PARP9: variants seen among roughly 807,000 people sequenced by gnomAD.
PARP9 encodes the protein protein mono-ADP-ribosyltransferase PARP9.
PARP9 carries 48 observed loss-of-function variants against 68.8 expected under a neutral mutation model. That is an observed-to-expected ratio of 0.70 (90% confidence interval 0.55 to 0.89). The LOEUF (loss-of-function observed/expected upper bound fraction) is 0.89, where lower values mean the gene tolerates loss of function less well. Among genes scored for constraint, PARP9 ranks in the 40% least tolerant of loss-of-function variants. The pLI is 0.00. For missense variants in PARP9, 806 were observed against 969.3 expected (o/e 0.83, Z 2.24); for synonymous variants, 309 against 333.8 (o/e 0.93, Z 0.81).
In PARP9 at chr3:122,556,139, AT is replaced by A; in HGVS notation, c.50-19del. 1 of 614,808 alleles carries A rather than the reference AT, an allele frequency of 1.6e-6. No homozygotes were observed. The highest frequency in any genetic ancestry group is 2.3e-5 in the African/African-American group (1 of 42,814). 38.1% of individuals were successfully genotyped at this position (614,808 alleles called of 1,614,324 possible). A position where few individuals can be genotyped will look rare whatever the true frequency, so the allele number is the denominator to read the frequency against. On this transcript the variant is annotated intron_variant, in intron 3 of 10. Transcript: ENST00000682323. ...ACCAGTCTCTGGAAAAGAAGAGAAG[AT>A]TAAAAAAAAAAAAAAAAAAAAAAAA...
At chr3:122,550,550 T>C (rs758275730) in intron 6 of PARP9, 34 bp downstream of exon 6, 4 of 1,496,388 alleles carry the variant, frequency 2.7e-6, no homozygotes, top group Non-Finnish European at 3.7e-6. Flanking sequence ...AATGAATGAA[T>C]GAACAGTAGG....
In PARP9 at chr3:122,555,628, G is replaced by A. The variant is rs1359253097; in HGVS notation, c.543C>T (p.Ala181=). The A allele has an allele frequency of 6.2e-7, 1 of 1,613,874 alleles. No homozygotes were observed. Among genetic ancestry groups the A allele is most frequent in the Non-Finnish European group, 8.5e-7 (1 of 1,179,996 alleles). Reference sequence around the variant, plus strand: ...TGACATAATTCAGAATACTTACAATGGCCCTCTGCAGCTTTCCAGTACATC... The same window carrying A: ...TGACATAATTCAGAATACTTACAATAGCCCTCTGCAGCTTTCCAGTACATC... ...KQGCTGKLQR[A]IVSILNYVIY... is the part of the protein sequence containing the mutation. Residue 181 remains alanine (A), a synonymous_variant, in exon 4 of 11, where the codon GCC becomes GCT. Transcript: ENST00000682323.
intron 10 of PARP9, among the ~76,000 whole-genome samples, chr3:122,529,258 A>G (rs2077132739): frequency 6.9e-6 from 1 of 144,748 alleles, no homozygotes; most frequent in Non-Finnish European, 1.5e-5. Flanking sequence ...AAAAAAAAAA[A>G]GAACCATTAG....
chr3:122,528,316 T>C lies in PARP9; in HGVS notation c.*48A>G, dbSNP rs746616473. 4.2e-5 allele frequency: 66 copies of C among 1,570,894 alleles called. No individual in the cohort carries two copies. The highest frequency in any genetic ancestry group is 5.6e-5 in the Non-Finnish European group (65 of 1,158,220). ...GAGCCATCGATGGTCATTATTTGGT[T>C]AGTTCACCCAAGGTAAGGCCATACC... On this transcript the variant is annotated 3_prime_UTR_variant, in exon 11 of 11. Transcript: ENST00000682323.
chr3:122,534,466 C>G (rs937832543), intron 10 of PARP9: 4 of 982,064 alleles, frequency 4.1e-6, no homozygotes, highest in East Asian at 1.1e-4. Context: ...GAGCCAGTGG[C>G]TGTTGTGTGT....
intron 10 of PARP9, among the ~76,000 whole-genome samples, chr3:122,528,989 T>C (rs1458310045): frequency 6.6e-6 from 1 of 152,100 alleles, no homozygotes; most frequent in Non-Finnish European, 1.5e-5. Context: ...GGCTCACACC[T>C]GTAATCCCTG....
chr3:122,549,298 G>A (rs571546728), intron 6 of PARP9, among the ~76,000 whole-genome samples: 1 of 152,302 alleles, frequency 6.6e-6, no homozygotes, highest in South Asian at 2.1e-4. Flanking sequence ...TTACAGGCGT[G>A]AGCCACCTCA....
chr3:122,540,976 C>T (rs965795519), intron 7 of PARP9, 124 bp from the exon 8 acceptor site: 61 of 1,126,786 alleles, frequency 5.4e-5, no homozygotes, highest in Non-Finnish European at 7.3e-5. Context: ...CTGCAAGCTC[C>T]GCCTCCCGGG....
chr3:122,558,037 G>A (rs551665945), intron 3 of PARP9, among the ~76,000 whole-genome samples: 1 of 152,302 alleles, frequency 6.6e-6, no homozygotes, highest in South Asian at 2.1e-4. Context: ...AAACGAAGCC[G>A]GAATTGGGTA....
rs199649529 is a variant in PARP9 at position 122,558,199 on chromosome 3, TAA to T, written c.49+233_49+234del. On this transcript the variant is annotated intron_variant, in intron 3 of 10. Transcript: ENST00000682323. ...GGTCAATTCAGCCATAGGCTGTCGT[TAA>T]AAGAGTCTCACATTTACGGGCAAAG... 491 of 1,198,986 alleles carry T rather than the reference TAA, an allele frequency of 4.1e-4. 2 individuals carry two copies. In the East Asian group the frequency reaches 7.7e-3, roughly 19 times the overall value. The allele number at this position is 1,198,986 out of a possible 1,614,324, so 74.3% of individuals were successfully genotyped here. A position where few individuals can be genotyped will look rare whatever the true frequency, so the allele number is the denominator to read the frequency against.
intron 6 of PARP9, 46 bp from the exon 7 acceptor site, chr3:122,545,535 G>C (rs1373266728): frequency 5.1e-6 from 8 of 1,583,112 alleles, no homozygotes; most frequent in Non-Finnish European, 6.9e-6. Flanking sequence ...AGGGCTGATA[G>C]CCATTGTCAT....
intron 1 of PARP9, among the ~76,000 whole-genome samples, chr3:122,562,207 T>TC (rs1559890036): frequency 2.0e-5 from 3 of 148,930 alleles, no homozygotes; most frequent in African/African-American, 7.4e-5. Flanking sequence ...TCTTTTCTTT[T>TC]TGAGACGGAG....
At chr3:122,556,828 T>C (rs1394736536) in intron 3 of PARP9, among the ~76,000 whole-genome samples, 1 of 152,078 alleles carries the variant, frequency 6.6e-6, no homozygotes, top group Non-Finnish European at 1.5e-5. Context: ...CAACTTCTTT[T>C]TCTTTTGAGA....
Position 122,564,287 on chromosome 3 carries a change from G to C in PARP9, c.-132C>G, listed in dbSNP as rs528389408. ...TCGGTGCAGACAGCACAGGGAGGAG[G>C]GGGAAGCGGCTCTGCCGGGAACAGG... On this transcript the variant is annotated 5_prime_UTR_variant, in exon 1 of 11. Transcript: ENST00000682323. The C allele has an allele frequency of 2.5e-5, 26 of 1,054,740 alleles. No individual in the cohort carries two copies. The highest frequency in any genetic ancestry group is 3.1e-5 in the Non-Finnish European group (23 of 752,806). The allele number at this position is 1,054,740 out of a possible 1,614,324, so 65.3% of individuals were successfully genotyped here. A position where few individuals can be genotyped will look rare whatever the true frequency, so the allele number is the denominator to read the frequency against.
chr3:122,548,011 C>A (rs2078901830), intron 6 of PARP9, among the ~76,000 whole-genome samples: 1 of 152,182 alleles, frequency 6.6e-6, no homozygotes, highest in Non-Finnish European at 1.5e-5. Flanking sequence ...GGGTCATGCA[C>A]CACCATCTCA....
Position 122,556,015 on chromosome 3 carries a change from A to C in PARP9, c.156T>G (p.Asn52Lys). ...NERQLCEVLQ[N>K]KFGCISTLVS... is the part of the protein sequence containing the mutation. ...CCAGGGTAGAGATACAGCCAAACTT[A>C]TTCTGGAGGACTTCACACAGCTGAC... Residue 52 changes from asparagine (N) to lysine (K), a missense_variant, in exon 4 of 11, where the codon AAT becomes AAG. Physicochemically the swap from Asn to Lys is moderately conservative, Grantham distance 94. Transcript: ENST00000682323. 6.2e-7 allele frequency: 1 copy of C among 1,613,964 alleles called. No individual in the cohort carries two copies. Among genetic ancestry groups the C allele is most frequent in the Non-Finnish European group, 8.5e-7 (1 of 1,179,980 alleles).
At position 122,540,891 on chromosome 3, in the gene PARP9, G is replaced by GTTTTTTTTTTTTTTTTTTTTTTTTT. The variant is rs145948621; in HGVS notation, c.1385-40_1385-39insAAAAAAAAAAAAAAAAAAAAAAAAA. 3 of 1,185,868 alleles carry GTTTTTTTTTTTTTTTTTTTTTTTTT rather than the reference G, an allele frequency of 2.5e-6. 1 individual carries two copies. The allele number at this position is 1,185,868 out of a possible 1,614,324, so 73.5% of individuals were successfully genotyped here. On this transcript the variant is annotated intron_variant, in intron 7 of 10. Coordinates refer to ENST00000682323, the MANE Select transcript of PARP9 (RefSeq NM_001146105.2). ...AATAAGCAACCATGGAAGACTAGCA[G>GTTTTTTTTTTTTTTTTTTTTTTTTT]TTTTTTGTTTTTTTTTTGAGATGGA... is the stretch of plus-strand genomic sequence containing the variant.
In PARP9 at chr3:122,556,141, TAA is replaced by T. The variant is rs745677021; in HGVS notation, c.50-22_50-21del. Reference sequence around the variant, plus strand: ...CAGTCTCTGGAAAAGAAGAGAAGATTAAAAAAAAAAAAAAAAAAAAAAAAAAA... The same window carrying T: ...CAGTCTCTGGAAAAGAAGAGAAGATTAAAAAAAAAAAAAAAAAAAAAAAAA... On this transcript the variant is annotated intron_variant, in intron 3 of 10. Coordinates refer to ENST00000682323, the MANE Select transcript of PARP9 (RefSeq NM_001146105.2). The T allele has an allele frequency of 7.8e-4, 163 of 209,856 alleles. No individual in the cohort carries two copies. Among genetic ancestry groups the T allele is most frequent in the Admixed American group, 1.4e-3 (11 of 7,990 alleles). The allele number at this position is 209,856 out of a possible 1,614,324, so 13.0% of individuals were successfully genotyped here.
chr3:122,561,310 G>C (rs909119544), intron 1 of PARP9, among the ~76,000 whole-genome samples: 1 of 151,620 alleles, frequency 6.6e-6, no homozygotes, highest in Admixed American at 6.6e-5. Flanking sequence ...AATACAAAAA[G>C]TTAGCTGGCC....
Sources: gnomAD v4.1 joint callset for allele counts (sites outside exome capture counted in the v4.1 genomes callset) on GRCh38, gnomAD v4.1.1 for gene constraint, MANE v1.5 for transcripts, NCBI Gene and HGNC (gene_info 2026-07-23, HGNC 2026-07-21) for gene names.